MPHOSPH9: variants seen among roughly 807,000 people sequenced by gnomAD.
MPHOSPH9 encodes M-phase phosphoprotein 9.
Under a neutral mutation model 145.5 loss-of-function variants are expected in MPHOSPH9, and 88 were observed. That is an observed-to-expected ratio of 0.60 (90% CI 0.51 to 0.72). MPHOSPH9 has a LOEUF of 0.72. Among genes scored for constraint, MPHOSPH9 ranks in the 30% least tolerant of loss-of-function variants. MPHOSPH9 has a pLI of 0.00. For synonymous variants in MPHOSPH9, 435 were observed against 486.2 expected (o/e 0.89, Z 1.39); for missense variants, 1,238 against 1,386.6 (o/e 0.89, Z 1.70).
At chr12:123,225,373 G>C (rs2047393870) in intron 3 of MPHOSPH9, among the ~76,000 whole-genome samples, 1 of 150,738 alleles carries the variant, frequency 6.6e-6, no homozygotes, top group South Asian at 2.1e-4. Context: ...GAGCCCAAGA[G>C]GTTGAAGGTA....
intron 14 of MPHOSPH9, among the ~76,000 whole-genome samples, 192 bp from the exon 15 acceptor site, chr12:123,180,182 A>G (rs1209732726): frequency 6.6e-6 from 1 of 152,226 alleles, no homozygotes; most frequent in Non-Finnish European, 1.5e-5. Flanking sequence ...ACCGGCCTAC[A>G]CAAGTCCCTC....
intron 7 of MPHOSPH9, among the ~76,000 whole-genome samples, chr12:123,213,425 G>C (rs11057195): frequency 0.02 from 3,042 of 151,882 alleles, 40 homozygotes; most frequent in Non-Finnish European, 0.031. Flanking sequence ...CTGCAGCCTT[G>C]ACCTCCCAGA....
chr12:123,169,184 G>A (rs1040724002), intron 16 of MPHOSPH9, among the ~76,000 whole-genome samples: 4 of 150,850 alleles, frequency 2.7e-5, no homozygotes, highest in Non-Finnish European at 5.9e-5. Context: ...ACTGCGCCCG[G>A]CCCAGTTTTT....
intron 23 of MPHOSPH9, among the ~76,000 whole-genome samples, chr12:123,158,694 C>T (rs984683260): frequency 6.6e-6 from 1 of 150,532 alleles, no homozygotes; most frequent in African/African-American, 2.4e-5. Context: ...TGCAGTGGTG[C>T]AATCTCAGCT....
At chr12:123,205,545 CAA>C (rs879307605) in intron 8 of MPHOSPH9, among the ~76,000 whole-genome samples, 1 of 141,196 alleles carries the variant, frequency 7.1e-6, no homozygotes, top group South Asian at 2.2e-4. Flanking sequence ...GACTCTGCCT[CAA>C]AAAAAAAAAA....
intron 13 of MPHOSPH9, among the ~76,000 whole-genome samples, chr12:123,193,290 T>G (rs2045794772): frequency 6.6e-6 from 1 of 151,708 alleles, no homozygotes; most frequent in Admixed American, 6.6e-5. Flanking sequence ...ATAAGAATAT[T>G]ATTTGTAAAC....
chr12:123,184,025 G>A (rs1179720445), intron 13 of MPHOSPH9, among the ~76,000 whole-genome samples: 1 of 151,974 alleles, frequency 6.6e-6, no homozygotes, highest in African/African-American at 2.4e-5. Context: ...GCGCAATATA[G>A]CAAGACCCCA....
At position 123,159,741 on chromosome 12, in the gene MPHOSPH9, G is replaced by C. The variant is rs2044024349; in HGVS notation, c.3450+1040C>G. The C allele has an allele frequency of 6.6e-6, 1 of 152,168 alleles. No homozygotes were observed. Among genetic ancestry groups the C allele is most frequent in the Non-Finnish European group, 1.5e-5 (1 of 68,044 alleles). The allele number at this position is 152,168 out of a possible 1,614,324, so 9.4% of individuals were successfully genotyped here. On this transcript the variant is annotated intron_variant, in intron 23 of 23. Coordinates refer to ENST00000606320, the MANE Select transcript of MPHOSPH9 (RefSeq NM_022782.4). This position sits in a 1 kb window ranked among gnomAD's most constrained non-coding sequence, Gnocchi z 4.3. ...GCCTTATTTATGATATCCAAAATTA[G>C]AAGCAACCCAAATTTCTACTAAAAC...
At position 123,166,658 on chromosome 12, in the gene MPHOSPH9, A is replaced by G. The variant is rs2044334014; in HGVS notation, c.2588T>C (p.Leu863Pro). 6.2e-7 allele frequency: 1 copy of G among 1,612,166 alleles called. No homozygotes were observed. The highest frequency in any genetic ancestry group is 1.3e-5 in the African/African-American group (1 of 74,816). ...VDNQLEETCS[L>P]GHRSPLEKDS... The stretch of plus-strand genomic sequence containing the variant: ...ATCTTTAGCAAAGTTATCTCACCCT[A>G]GGCTACAGGTTTCCTCCAGCTGGTT... The change falls in exon 17 of 24, where the codon CTA becomes CCA. Residue 863 changes from leucine to proline, a missense_variant. Leu to Pro is a moderately conservative substitution (Grantham distance 98). Around this residue, in one of 3 missense-constraint regions of MPHOSPH9, gnomAD observed 393 missense variants for 462.5 expected, o/e 0.85. Coordinates refer to ENST00000606320, the MANE Select transcript of MPHOSPH9 (RefSeq NM_022782.4).
At chr12:123,222,001 T>A in intron 4 of MPHOSPH9, 106 bp from the exon 5 acceptor site, 1 of 713,788 alleles carries the variant, frequency 1.4e-6, no homozygotes, top group Non-Finnish European at 2.2e-6. Context: ...GATATTATTC[T>A]AAAGATAATG....
In MPHOSPH9 at chr12:123,162,145, G is replaced by T; in HGVS notation, c.3103C>A (p.Leu1035Ile). ...TLQRTNPRKQ[L>I]QFLPLDDSEE... The stretch of plus-strand genomic sequence containing the variant: ...GAGTCATCTAGAGGAAGAAACTGGA[G>T]TTGCTTTCTTGGATTGGTACGTTGT... Residue 1035 changes from leucine to isoleucine, a missense_variant, in exon 21 of 24, where the codon CTC becomes ATC. Physicochemically the swap from Leu to Ile is conservative, Grantham distance 5. Coordinates refer to ENST00000606320, the MANE Select transcript of MPHOSPH9 (RefSeq NM_022782.4). 1 of 1,586,030 alleles carries T rather than the reference G, an allele frequency of 6.3e-7. No individual in the cohort carries two copies. The highest frequency in any genetic ancestry group is 8.6e-7 in the Non-Finnish European group (1 of 1,164,136).
chr12:123,207,596 G>C (rs2138416867), intron 8 of MPHOSPH9, among the ~76,000 whole-genome samples: 1 of 152,310 alleles, frequency 6.6e-6, no homozygotes, highest in South Asian at 2.1e-4. Context: ...GCTCATGCCT[G>C]TAATTCCAGC....
intron 1 of MPHOSPH9, among the ~76,000 whole-genome samples, chr12:123,243,520 A>C (rs1323143238): frequency 2.5e-5 from 3 of 118,010 alleles, no homozygotes; most frequent in Admixed American, 1.9e-4. Context: ...ACAGAGCGAG[A>C]CTCCGTCTCA....
intron 23 of MPHOSPH9, 125 bp from the exon 24 acceptor site, chr12:123,157,033 T>C: frequency 3.4e-6 from 2 of 588,362 alleles, no homozygotes; most frequent in Non-Finnish European, 2.9e-6. Context: ...TATTTTGCTT[T>C]CTACACGAAA....
Position 123,201,457 on chromosome 12 carries a change from G to A in MPHOSPH9, c.1937+707C>T, listed in dbSNP as rs146713546. On this transcript the variant is annotated intron_variant, in intron 11 of 23. Transcript: ENST00000606320. ...TGCAGTGGTACAACCTTAGTTCACT[G>A]CAGCCTCGACCTCCTGAGCTCAAGC... Among the ~76,000 whole-genome samples the A allele has an allele frequency of 1.6e-3, 246 of 152,198 alleles. 3 individuals carry two copies. Among genetic ancestry groups the A allele is most frequent in the African/African-American group, 5.6e-3 (231 of 41,526 alleles).
chr12:123,152,456 A>C (rs1359370850), downstream of MPHOSPH9: 2 of 405,176 alleles, frequency 4.9e-6, no homozygotes, highest in African/African-American at 4.1e-5. Context: ...GCACTTGTCT[A>C]CCCACCAGCA....
chr12:123,227,415 T>C (rs1459197825), intron 3 of MPHOSPH9, 48 bp downstream of exon 3: 1 of 1,337,008 alleles, frequency 7.5e-7, no homozygotes, highest in South Asian at 1.7e-5. Flanking sequence ...AGAGGTATGT[T>C]TTAACATAAT....
chr12:123,179,716 T>C (rs145811563), intron 15 of MPHOSPH9, among the ~76,000 whole-genome samples: 3 of 128,784 alleles, frequency 2.3e-5, no homozygotes, highest in Non-Finnish European at 4.8e-5. Flanking sequence ...CCTGTCTCTT[T>C]AAAAAAAAAA....
At chr12:123,215,845 C>T (rs569970598) in intron 6 of MPHOSPH9, among the ~76,000 whole-genome samples, 2 of 152,294 alleles carry the variant, frequency 1.3e-5, no homozygotes, top group African/African-American at 2.4e-5. Flanking sequence ...ACACTACCTA[C>T]GAAGATGGGG....
Sources: gnomAD v4.1 joint callset for allele counts (sites outside exome capture counted in the v4.1 genomes callset) on GRCh38, gnomAD v4.1.1 for gene constraint, gnomAD v4.1.1 regional missense constraint, Gnocchi (gnomAD v3.1) non-coding constraint, MANE v1.5 for transcripts, NCBI Gene and HGNC (gene_info 2026-07-23, HGNC 2026-07-21) for gene names.